Variants in ITGA11 observed in about 807,000 individuals in gnomAD.
The protein encoded by ITGA11 is integrin subunit alpha 11.
ITGA11 carries 97 observed loss-of-function variants against 141.9 expected under a neutral mutation model. The observed-to-expected ratio is 0.68, with a 90% CI of 0.58 to 0.81. The LOEUF (loss-of-function observed/expected upper bound fraction) is 0.81, where lower values mean the gene tolerates loss of function less well. Among genes scored for constraint, ITGA11 ranks in the 30% least tolerant of loss-of-function variants. ITGA11 has a pLI of 0.00. For missense variants in ITGA11, 1,387 were observed against 1,559.2 expected, an observed-to-expected ratio of 0.89 and a Z score of 1.86; for synonymous variants, 658 against 624.6, an observed-to-expected ratio of 1.05 and a Z score of -0.80.
At chr15:68,361,543 G>T in intron 5 of ITGA11, 47 bp downstream of exon 5, 1 of 1,284,350 alleles carries the variant, frequency 7.8e-7, no homozygotes, top group Non-Finnish European at 1.1e-6. Context: ...AAGTCTCTCT[G>T]GACTGTCCAC....
intron 1 of ITGA11, among the ~76,000 whole-genome samples, chr15:68,430,875 C>T (rs1043385422): frequency 3.9e-5 from 6 of 152,216 alleles, no homozygotes; most frequent in African/African-American, 1.4e-4. Context: ...GGACTTGCTT[C>T]GCGTGGTACC....
At chr15:68,346,565 CA>C (rs35325769) in intron 10 of ITGA11, among the ~76,000 whole-genome samples, 1 of 152,218 alleles carries the variant, frequency 6.6e-6, no homozygotes, top group African/African-American at 2.4e-5. Flanking sequence ...TGAAGATACT[CA>C]AAAAATGGCT....
Position 68,321,076 on chromosome 15 carries a change from G to A in ITGA11, c.2408+342C>T, listed in dbSNP as rs545122348. Among the ~76,000 whole-genome samples the A allele has an allele frequency of 5.1e-4, 78 of 152,146 alleles. No individual in the cohort carries two copies. Among genetic ancestry groups the A allele is most frequent in the Admixed American group, 1.2e-3 (18 of 15,270 alleles). ...AGCGGGCCTAGAGGTCACCTCATCT[G>A]GGGGCTGAAGGACAAGCACCCAGAA... On this transcript the variant is annotated intron_variant, in intron 19 of 29. Coordinates refer to ENST00000315757, the MANE Select transcript of ITGA11 (RefSeq NM_001004439.2). This position sits in a 1 kb window ranked among gnomAD's most constrained non-coding sequence, Gnocchi z 4.9.
Position 68,368,849 on chromosome 15 carries a change from G to C in ITGA11, c.265+335C>G, listed in dbSNP as rs941823440. 1.4e-5 allele frequency among the ~76,000 whole-genome samples: 2 copies of C among 144,442 alleles called. 1 individual carries two copies. Among genetic ancestry groups the C allele is most frequent in the South Asian group, 4.4e-4 (2 of 4,542 alleles). 94.8% of individuals were successfully genotyped at this position (144,442 alleles called of 152,430 possible). On this transcript the variant is annotated intron_variant, in intron 3 of 29. Coordinates refer to ENST00000315757, the MANE Select transcript of ITGA11 (RefSeq NM_001004439.2). The stretch of plus-strand genomic sequence containing the variant: ...GTTATTATTTCAAAATCAGGAAAAA[G>C]ACAGGAAGTCCTTTTTTTTTTTTTT...
At chr15:68,358,615 C>G (rs1245482140) in intron 5 of ITGA11, 30 bp from the exon 6 acceptor site, 1 of 1,595,256 alleles carries the variant, frequency 6.3e-7, no homozygotes. Context: ...TTATGGCTAC[C>G]CAAGGAGCAG....
chr15:68,393,834 CAACTT>C (rs1896171926), intron 2 of ITGA11, among the ~76,000 whole-genome samples: 1 of 152,118 alleles, frequency 6.6e-6, no homozygotes, highest in Non-Finnish European at 1.5e-5. Flanking sequence ...TAAATATTAA[CAACTT>C]AAAGCAACAA....
intron 4 of ITGA11, 37 bp downstream of exon 4, chr15:68,364,670 C>T: frequency 6.9e-7 from 1 of 1,445,050 alleles, no homozygotes; most frequent in East Asian, 2.3e-5. Flanking sequence ...CCCACCCCTG[C>T]CTCTCCTGAC....
At chr15:68,385,237 A>T (rs1420729776) in intron 2 of ITGA11, among the ~76,000 whole-genome samples, 5 of 152,188 alleles carry the variant, frequency 3.3e-5, no homozygotes, top group African/African-American at 9.6e-5. Context: ...TTCGAAGCCT[A>T]GATTCTCCCT....
Position 68,308,587 on chromosome 15 carries a change from C to CA in ITGA11, c.3175-892dup, listed in dbSNP as rs1218041013. On this transcript the variant is annotated intron_variant, in intron 26 of 29. Coordinates refer to ENST00000315757, the MANE Select transcript of ITGA11 (RefSeq NM_001004439.2). The surrounding 1 kb of genome is among the most constrained non-coding windows in gnomAD (Gnocchi z 5.2). ...AAACCCCGTCTCTATTAAAAAAATA[C>CA]AAAAAATTAGCCAGCCGTGGTGGCA... 1.3e-5 allele frequency among the ~76,000 whole-genome samples: 2 copies of CA among 151,890 alleles called. No individual in the cohort carries two copies. Among genetic ancestry groups the CA allele is most frequent in the African/African-American group, 4.8e-5 (2 of 41,366 alleles).
At chr15:68,420,757 G>A (rs368295197) in intron 1 of ITGA11, among the ~76,000 whole-genome samples, 31 of 152,222 alleles carry the variant, frequency 2.0e-4, no homozygotes, top group African/African-American at 7.0e-4. Flanking sequence ...GCCCTGGGAT[G>A]CGTAAGTAAA....
In ITGA11 at chr15:68,303,214, G is replaced by A; in HGVS notation, c.3496-84C>T. The A allele has an allele frequency of 8.3e-7, 1 of 1,202,970 alleles. No homozygotes were observed. The highest frequency in any genetic ancestry group is 1.2e-6 in the Non-Finnish European group (1 of 845,366). The allele number at this position is 1,202,970 out of a possible 1,614,324, so 74.5% of individuals were successfully genotyped here. A position where few individuals can be genotyped will look rare whatever the true frequency, so the allele number is the denominator to read the frequency against. ...AGCTTTCCCTCCACTACCTTTCCTT[G>A]GGATTCCTCCCTCAGGGCTTCCTTG... is the stretch of plus-strand genomic sequence containing the variant. On this transcript the variant is annotated intron_variant, in intron 29 of 29. Transcript: ENST00000315757. This position sits in a 1 kb window ranked among gnomAD's most constrained non-coding sequence, Gnocchi z 5.3.
intron 25 of ITGA11, 46 bp downstream of exon 25, chr15:68,311,244 C>A: frequency 7.2e-7 from 1 of 1,381,980 alleles, no homozygotes; most frequent in South Asian, 1.2e-5. Context: ...GAGTGTCTGT[C>A]TCCTTCTGGT....
chr15:68,403,075 C>T (rs770511893), intron 1 of ITGA11, 46 bp from the exon 2 acceptor site: 1 of 1,330,686 alleles, frequency 7.5e-7, no homozygotes, highest in East Asian at 2.4e-5. Flanking sequence ...GTCAGACAGG[C>T]AGAGGTGTAG....
Position 68,311,047 on chromosome 15 carries a change from T to G in ITGA11, c.3121A>C (p.Thr1041Pro), listed in dbSNP as rs775104290. 8 of 1,607,994 alleles carry G rather than the reference T, an allele frequency of 5.0e-6. No individual in the cohort carries two copies. The African/African-American group carries it at 9.4e-5, about 19-fold the overall frequency. The change falls in exon 26 of 30, where the codon ACT becomes CCT. Residue 1041 changes from threonine (T) to proline (P), a missense_variant. Physicochemically the swap from Thr to Pro is conservative, Grantham distance 38 (BLOSUM62 -1). Transcript: ENST00000315757. ...NTSCNIWGNS[T>P]EYRPTPVEED... is the part of the protein sequence containing the mutation. Reference sequence around the variant, plus strand: ...TCCACTGGGGTGGGCCGGTACTCAGTGCTATTGCCCCAGATGTTACAGGAC... The same window carrying G: ...TCCACTGGGGTGGGCCGGTACTCAGGGCTATTGCCCCAGATGTTACAGGAC...
intron 2 of ITGA11, among the ~76,000 whole-genome samples, chr15:68,398,160 C>G: frequency 6.6e-6 from 1 of 151,816 alleles, no homozygotes; most frequent in African/African-American, 2.4e-5. Context: ...ACAATATTAA[C>G]TTTAAATGTA....
rs547105077 is a variant in ITGA11, at chr15:68,358,999, C to T, written c.473-414G>A. 3.9e-5 allele frequency among the ~76,000 whole-genome samples: 6 copies of T among 152,274 alleles called. No homozygotes were observed. In the South Asian group the frequency reaches 8.3e-4, roughly 21 times the overall value. Reference sequence around the variant, plus strand: ...TGTTTTTAGGAGGGAGATATGATGTCGTGGCTAGAAATGTGGGATGTGGCA... The same window carrying T: ...TGTTTTTAGGAGGGAGATATGATGTTGTGGCTAGAAATGTGGGATGTGGCA... On this transcript the variant is annotated intron_variant, in intron 5 of 29. Coordinates refer to ENST00000315757, the MANE Select transcript of ITGA11 (RefSeq NM_001004439.2).
chr15:68,304,666 C>A lies in ITGA11; in HGVS notation c.3382-781G>T, dbSNP rs1265477348. Among the ~76,000 whole-genome samples, 2 of 152,168 alleles carry A rather than the reference C, an allele frequency of 1.3e-5. No homozygotes were observed. The highest frequency in any genetic ancestry group is 3.9e-4 in the East Asian group (2 of 5,182). The stretch of plus-strand genomic sequence containing the variant: ...ACCGACTGTCTCCTGGCCTGCCTGG[C>A]AACTGTAACAGGCCCCTAACCAAGC... On this transcript the variant is annotated intron_variant, in intron 28 of 29. Transcript: ENST00000315757. The surrounding 1 kb of genome is among the most constrained non-coding windows in gnomAD (Gnocchi z 6.1).
At chr15:68,430,981 G>A (rs1012091043) in intron 1 of ITGA11, among the ~76,000 whole-genome samples, 1 of 152,232 alleles carries the variant, frequency 6.6e-6, no homozygotes, top group African/African-American at 2.4e-5. Context: ...CCCACTACTG[G>A]CCCCAGCTCG....
At chr15:68,382,434 A>T (rs1895885840) in intron 2 of ITGA11, among the ~76,000 whole-genome samples, 1 of 152,114 alleles carries the variant, frequency 6.6e-6, no homozygotes, top group African/African-American at 2.4e-5. Flanking sequence ...AAGAAATCTC[A>T]ACTTCTCCCA....
Sources: allele counts gnomAD v4.1 joint callset (sites outside exome capture counted in the v4.1 genomes callset), GRCh38; gene constraint gnomAD v4.1.1; non-coding constraint Gnocchi (gnomAD v3.1); transcripts MANE v1.5; gene names NCBI Gene and HGNC (gene_info 2026-07-23, HGNC 2026-07-21).